Variants in PTPRD observed in about 807,000 individuals in gnomAD.
PTPRD encodes protein tyrosine phosphatase receptor type D.
PTPRD carries 34 observed loss-of-function variants against 214.5 expected under a neutral mutation model. The observed-to-expected ratio is 0.16, with a 90% CI of 0.12 to 0.21. The LOEUF is 0.21. Ranked by LOEUF, PTPRD falls within the 10% of genes least tolerant of loss-of-function variation. The pLI is 1.00. For synonymous variants in PTPRD, 1,128 were observed against 845.7 expected (o/e 1.33, Z -5.79); for missense variants, 2,545 against 2,398.7 (o/e 1.06, Z -1.27).
At chr9:9,294,883 G>A (rs1444623414) in intron 9 of PTPRD, among the ~76,000 whole-genome samples, 1 of 151,690 alleles carries the variant, frequency 6.6e-6, no homozygotes, top group Admixed American at 6.6e-5. Flanking sequence ...TTAAAATAAG[G>A]TGGTCATGAA....
At chr9:8,923,715 T>C (rs7020371) in intron 11 of PTPRD, among the ~76,000 whole-genome samples, 20,313 of 152,226 alleles carry the variant, frequency 0.13, 1,520 homozygotes, top group South Asian at 0.16. Context: ...CTCCAAGTAT[T>C]GTCCATTTCG....
At chr9:9,988,677 G>A (rs1450106783) in intron 4 of PTPRD, among the ~76,000 whole-genome samples, 2 of 151,844 alleles carry the variant, frequency 1.3e-5, no homozygotes, top group African/African-American at 4.8e-5. Flanking sequence ...AAACCCCAGA[G>A]TAATTTTTAA....
chr9:10,446,072 C>G (rs2098796902), intron 2 of PTPRD, among the ~76,000 whole-genome samples: 1 of 151,914 alleles, frequency 6.6e-6, no homozygotes, highest in African/African-American at 2.4e-5. Flanking sequence ...GGGGAAGTAC[C>G]CAAATTCAAG....
intron 10 of PTPRD, among the ~76,000 whole-genome samples, chr9:9,119,689 G>A (rs2099815781): frequency 6.6e-6 from 1 of 151,846 alleles, no homozygotes; most frequent in African/African-American, 2.4e-5. Context: ...ACACCTGGCT[G>A]ATTTTTTGTA....
intron 8 of PTPRD, among the ~76,000 whole-genome samples, chr9:9,540,018 A>G (rs2077263444): frequency 6.6e-6 from 1 of 151,766 alleles, no homozygotes; most frequent in Non-Finnish European, 1.5e-5. Context: ...TTCCTAGGGA[A>G]GTATACTCCC....
At chr9:8,799,572 A>G (rs947902898) in intron 11 of PTPRD, among the ~76,000 whole-genome samples, 4 of 152,232 alleles carry the variant, frequency 2.6e-5, no homozygotes, top group Non-Finnish European at 5.9e-5. Flanking sequence ...TAAGCAAGGA[A>G]GTTTGTTGTT....
intron 2 of PTPRD, among the ~76,000 whole-genome samples, chr9:10,511,990 GTGTGTGTA>G (rs2048349278): frequency 1.9e-5 from 1 of 53,350 alleles, no homozygotes; most frequent in Non-Finnish European, 3.8e-5. Flanking sequence ...ATATATATAC[GTGTGTGTA>G]TATATATATA....
intron 7 of PTPRD, among the ~76,000 whole-genome samples, chr9:9,730,239 T>C (rs966187308): frequency 1.3e-5 from 2 of 152,134 alleles, no homozygotes; most frequent in African/African-American, 4.8e-5. Flanking sequence ...GCTAAGCACA[T>C]GAATTTAATT....
Position 9,300,393 on chromosome 9 carries a change from T to C in PTPRD, c.-203+97056A>G, listed in dbSNP as rs556840138. Among the ~76,000 whole-genome samples the C allele has an allele frequency of 3.0e-4, 46 of 151,944 alleles. No individual in the cohort carries two copies. In the East Asian group the frequency reaches 9.0e-3, roughly 30 times the overall value. On this transcript the variant is annotated intron_variant, in intron 9 of 45. Transcript: ENST00000381196. ...CCTTCCTTGGAAGCTTTGAATATGC[T>C]GCAATCTCTTTTTAGACAGCGCCTC...
At chr9:9,487,376 C>G (rs2095692726) in intron 8 of PTPRD, among the ~76,000 whole-genome samples, 1 of 152,164 alleles carries the variant, frequency 6.6e-6, no homozygotes, top group African/African-American at 2.4e-5. Flanking sequence ...CATGTCCCCA[C>G]AAAGGACACG....
intron 35 of PTPRD, among the ~76,000 whole-genome samples, chr9:8,407,389 A>G (rs2093095174): frequency 6.6e-6 from 1 of 152,198 alleles, no homozygotes; most frequent in Non-Finnish European, 1.5e-5. Flanking sequence ...ACTTCGTGAC[A>G]GGCTCTGTGC....
chr9:8,758,264 C>T (rs577084176), intron 11 of PTPRD, among the ~76,000 whole-genome samples: 1 of 152,262 alleles, frequency 6.6e-6, no homozygotes, highest in African/African-American at 2.4e-5. Context: ...TTGAGTGACT[C>T]CTCAATTCTC....
intron 8 of PTPRD, among the ~76,000 whole-genome samples, chr9:9,397,858 G>C (rs2068511924): frequency 6.6e-6 from 1 of 151,916 alleles, no homozygotes; most frequent in African/African-American, 2.4e-5. Flanking sequence ...CTAATTCTCA[G>C]CTCTGACAGT....
At chr9:9,866,923 T>C (rs2064111987) in intron 5 of PTPRD, among the ~76,000 whole-genome samples, 2 of 152,126 alleles carry the variant, frequency 1.3e-5, no homozygotes, top group South Asian at 4.1e-4. Flanking sequence ...TTTTGCTTTT[T>C]GGTGGGGTGT....
intron 9 of PTPRD, among the ~76,000 whole-genome samples, chr9:9,221,472 C>T (rs1165780967): frequency 6.6e-6 from 1 of 152,010 alleles, no homozygotes; most frequent in African/African-American, 2.4e-5. Flanking sequence ...AATATATTAC[C>T]TCACATGTCT....
intron 12 of PTPRD, among the ~76,000 whole-genome samples, chr9:8,638,711 T>C (rs916818792): frequency 2.6e-5 from 4 of 152,162 alleles, no homozygotes; most frequent in African/African-American, 9.7e-5. Context: ...TTCAAAAATA[T>C]TAAGAAAGCA....
chr9:8,528,551 A>T (rs2074843987), intron 15 of PTPRD, 40 bp downstream of exon 15: 2 of 1,540,644 alleles, frequency 1.3e-6, no homozygotes, highest in Non-Finnish European at 1.8e-6. Flanking sequence ...TAAAAAAAAA[A>T]ATTCTCTAGG....
intron 11 of PTPRD, among the ~76,000 whole-genome samples, chr9:8,915,915 A>G (rs2098782596): frequency 6.6e-6 from 1 of 152,214 alleles, no homozygotes; most frequent in Admixed American, 6.5e-5. Context: ...TGGCCCAGTT[A>G]AGTTGACATA....
At chr9:10,112,055 A>T (rs1461526791) in intron 3 of PTPRD, among the ~76,000 whole-genome samples, 1 of 152,230 alleles carries the variant, frequency 6.6e-6, no homozygotes, top group Non-Finnish European at 1.5e-5. Context: ...AATAAACAAC[A>T]ATGTGGGTAG....
Sources: allele counts gnomAD v4.1 joint callset (sites outside exome capture counted in the v4.1 genomes callset), GRCh38; gene constraint gnomAD v4.1.1; transcripts MANE v1.5; gene names NCBI Gene and HGNC (gene_info 2026-07-23, HGNC 2026-07-21).